Variants in ARHGEF3 observed in about 807,000 individuals in gnomAD.
ARHGEF3 encodes the protein 59.8 kDA protein.
ARHGEF3 carries 28 observed loss-of-function variants against 63.2 expected under a neutral mutation model. The ratio of observed to expected loss-of-function variants is 0.44; its 90% CI spans 0.33 to 0.61. The LOEUF is 0.61. Ranked by LOEUF, ARHGEF3 falls within the 20% of genes least tolerant of loss-of-function variation. The pLI is 0.03. For missense variants in ARHGEF3, 533 were observed against 659.3 expected (o/e 0.81, Z 2.10); for synonymous variants, 266 against 254.2 (o/e 1.05, Z -0.44).
intron 2 of ARHGEF3, among the ~76,000 whole-genome samples, chr3:57,021,261 G>C (rs568381882): frequency 3.3e-5 from 5 of 152,250 alleles, no homozygotes; most frequent in African/African-American, 1.2e-4. Flanking sequence ...TGTCTCCTTA[G>C]ATGCCAATCT....
chr3:56,791,835 G>GA (rs2037091738), intron 1 of ARHGEF3, among the ~76,000 whole-genome samples: 1 of 146,692 alleles, frequency 6.8e-6, no homozygotes, highest in African/African-American at 2.6e-5. Context: ...ACTAAAAAAA[G>GA]AAAACCTAAA....
At chr3:56,785,818 C>T (rs1251824876) in intron 1 of ARHGEF3, among the ~76,000 whole-genome samples, 11 of 152,186 alleles carry the variant, frequency 7.2e-5, no homozygotes, top group Admixed American at 7.2e-4. Context: ...AGACAGGGAC[C>T]AGGGATCCTA....
At chr3:56,990,417 C>G (rs1260367246) in intron 2 of ARHGEF3, among the ~76,000 whole-genome samples, 1 of 152,178 alleles carries the variant, frequency 6.6e-6, no homozygotes, top group Non-Finnish European at 1.5e-5. Context: ...AACTCTGTCT[C>G]CACTAAAAAT....
intron 4 of ARHGEF3, among the ~76,000 whole-genome samples, chr3:56,841,631 C>T (rs955477762): frequency 6.6e-6 from 1 of 152,164 alleles, no homozygotes; most frequent in East Asian, 1.9e-4. Context: ...TCAGAGACCT[C>T]ACCCCCACAA....
intron 4 of ARHGEF3, among the ~76,000 whole-genome samples, chr3:56,851,173 C>G (rs1428181408): frequency 6.6e-6 from 1 of 152,104 alleles, no homozygotes; most frequent in Non-Finnish European, 1.5e-5. Context: ...TTCTCCCTAC[C>G]CCATTTCTCC....
chr3:56,823,742 CAATA>C (rs1457539823), intron 4 of ARHGEF3, among the ~76,000 whole-genome samples: 1 of 152,034 alleles, frequency 6.6e-6, no homozygotes, highest in Admixed American at 6.6e-5. Flanking sequence ...ACCAGGGTTG[CAATA>C]AATAATCAGC....
At chr3:56,916,290 T>C (rs781770639) in intron 3 of ARHGEF3, 9 of 1,534,360 alleles carry the variant, frequency 5.9e-6, no homozygotes, top group Non-Finnish European at 7.9e-6. Flanking sequence ...CATCCCAGGC[T>C]CAGCAGCAGG....
intron 2 of ARHGEF3, among the ~76,000 whole-genome samples, chr3:57,000,423 A>T (rs954835432): frequency 1.3e-5 from 2 of 151,738 alleles, no homozygotes; most frequent in African/African-American, 4.9e-5. Flanking sequence ...ATCCCTCCCC[A>T]GTCAAATTCC....
At chr3:56,863,300 C>A (rs544332833) in intron 4 of ARHGEF3, among the ~76,000 whole-genome samples, 1 of 145,438 alleles carries the variant, frequency 6.9e-6, no homozygotes, top group Non-Finnish European at 1.5e-5. Context: ...CCACACCCAG[C>A]TAATTTTTTT....
intron 2 of ARHGEF3, among the ~76,000 whole-genome samples, chr3:56,979,358 C>T (rs777248120): frequency 2.6e-5 from 4 of 152,218 alleles, no homozygotes; most frequent in Non-Finnish European, 5.9e-5. Context: ...GTGGTTGGGA[C>T]AGGTTCACAG....
At chr3:56,864,719 T>C (rs1048562726) in intron 4 of ARHGEF3, among the ~76,000 whole-genome samples, 2 of 152,026 alleles carry the variant, frequency 1.3e-5, no homozygotes, top group African/African-American at 2.4e-5. Flanking sequence ...ACATGTAAGG[T>C]CCTCAAGGAC....
At chr3:56,890,588 C>G (rs2041087168) in intron 3 of ARHGEF3, among the ~76,000 whole-genome samples, 3 of 152,160 alleles carry the variant, frequency 2.0e-5, no homozygotes, top group African/African-American at 7.2e-5. Context: ...GGGCAGGAGA[C>G]CTGGTACGCT....
chr3:56,909,764 G>A (rs896162519), intron 3 of ARHGEF3, among the ~76,000 whole-genome samples: 1 of 152,138 alleles, frequency 6.6e-6, no homozygotes, highest in African/African-American at 2.4e-5. Flanking sequence ...GCAACATGCA[G>A]AGTGCTTCAC....
chr3:57,016,167 C>T (rs937752255), intron 2 of ARHGEF3, among the ~76,000 whole-genome samples: 7 of 152,238 alleles, frequency 4.6e-5, no homozygotes, highest in African/African-American at 1.2e-4. Context: ...TTATGTATTT[C>T]GTGATACAGA....
chr3:57,014,577 A>G lies in ARHGEF3; in HGVS notation c.62+20511T>C, dbSNP rs1021700424. Among the ~76,000 whole-genome samples, 11 of 152,372 alleles carry G rather than the reference A, an allele frequency of 7.2e-5. No individual in the cohort carries two copies. The South Asian group carries it at 1.9e-3, about 26-fold the overall frequency. ...TAATGATCAGCAGAATTAGAAAACTATATTTCTTTATAGTTTTCTAAACTT... is the reference window on the plus strand; with the variant it reads ...TAATGATCAGCAGAATTAGAAAACTGTATTTCTTTATAGTTTTCTAAACTT... On this transcript the variant is annotated intron_variant, in intron 2 of 12. Coordinates refer to the ARHGEF3 transcript ENST00000338458.
At chr3:56,771,548 TG>T (rs1293174471) in intron 2 of ARHGEF3, among the ~76,000 whole-genome samples, 2 of 151,878 alleles carry the variant, frequency 1.3e-5, no homozygotes, top group Non-Finnish European at 2.9e-5. Flanking sequence ...TTGGGAGAGG[TG>T]GGGACATTTG....
At chr3:57,077,725 C>T (rs1706281828) in intron 1 of ARHGEF3, among the ~76,000 whole-genome samples, 2 of 152,122 alleles carry the variant, frequency 1.3e-5, no homozygotes, top group Admixed American at 1.3e-4. Flanking sequence ...TCTACCCACC[C>T]TCCCCCCAAC....
intron 3 of ARHGEF3, among the ~76,000 whole-genome samples, chr3:56,952,973 A>G (rs1699878597): frequency 6.6e-6 from 1 of 152,208 alleles, no homozygotes; most frequent in African/African-American, 2.4e-5. Context: ...CCTGCATTCA[A>G]ATGCTGACTC....
chr3:56,878,982 C>T (rs1021445676), intron 4 of ARHGEF3, among the ~76,000 whole-genome samples: 43 of 152,322 alleles, frequency 2.8e-4, no homozygotes, highest in African/African-American at 9.6e-4. Context: ...TTGTGAACTG[C>T]ACATGCAAGG....
Sources: gnomAD v4.1 joint callset for allele counts (sites outside exome capture counted in the v4.1 genomes callset) on GRCh38, gnomAD v4.1.1 for gene constraint, MANE v1.5 for transcripts, NCBI Gene and HGNC (gene_info 2026-07-23, HGNC 2026-07-21) for gene names.